DLGAP2: variants seen among roughly 807,000 people sequenced by gnomAD.
The protein encoded by DLGAP2 is DLG associated protein 2.
In DLGAP2, 26 loss-of-function variants were observed where a neutral mutation model predicts 100.3. The ratio of observed to expected loss-of-function variants is 0.26; its 90% confidence interval spans 0.19 to 0.36. The LOEUF (loss-of-function observed/expected upper bound fraction) is 0.36. DLGAP2 is among the 10% of genes least tolerant of loss of function. The pLI, the probability that DLGAP2 is intolerant of heterozygous loss-of-function variation, is 1.00. For synonymous variants in DLGAP2, 886 were observed against 630.1 expected, an observed-to-expected ratio of 1.41 and a Z score of -6.08; for missense variants, 1,858 against 1,453.2, an observed-to-expected ratio of 1.28 and a Z score of -4.53.
At chr8:1,004,345 T>C (rs181078180) in intron 2 of DLGAP2, among the ~76,000 whole-genome samples, 2 of 152,338 alleles carry the variant, frequency 1.3e-5, no homozygotes, top group Middle Eastern at 3.4e-3. Context: ...GTCTTTTATC[T>C]TCATAAATTT....
chr8:965,756 T>C (rs1488173927), intron 2 of DLGAP2, among the ~76,000 whole-genome samples: 29 of 120,562 alleles, frequency 2.4e-4, no homozygotes, highest in Admixed American at 6.0e-4. Context: ...GGCTCCTGAG[T>C]CTGACCCCTG....
intron 1 of DLGAP2, among the ~76,000 whole-genome samples, chr8:833,433 T>G (rs576718686): frequency 6.6e-6 from 1 of 152,214 alleles, no homozygotes; most frequent in Non-Finnish European, 1.5e-5. Flanking sequence ...GACCTGTTTC[T>G]CAGCGTTTCC....
chr8:1,431,175 T>C (rs1364585012), intron 3 of DLGAP2, among the ~76,000 whole-genome samples: 7 of 152,256 alleles, frequency 4.6e-5, no homozygotes, highest in African/African-American at 1.4e-4. Context: ...GTCAGTGAGC[T>C]GAAATGTCTT....
rs137893359 is a variant in DLGAP2 at position 1,517,686 on chromosome 8, T to C, written c.172+16255T>C. Reference sequence around the variant, plus strand: ...CTCCCGTTTCTGGCTAGGAGAGCCCTGCCTGTGGCAGGCAGCAGCATTTGC... The same window carrying C: ...CTCCCGTTTCTGGCTAGGAGAGCCCCGCCTGTGGCAGGCAGCAGCATTTGC... On this transcript the variant is annotated intron_variant, in intron 4 of 14. Transcript: ENST00000637795. Among the ~76,000 whole-genome samples, 233 of 152,354 alleles carry C rather than the reference T, an allele frequency of 1.5e-3. 2 individuals are homozygous for C. Among genetic ancestry groups the C allele is most frequent in the East Asian group, 0.012 (63 of 5,180 alleles).
intron 2 of DLGAP2, among the ~76,000 whole-genome samples, chr8:1,137,976 A>G (rs1485372546): frequency 6.6e-6 from 1 of 151,852 alleles, no homozygotes; most frequent in African/African-American, 2.4e-5. Context: ...GCCTCAAGCA[A>G]TCCACCCGCC....
chr8:1,001,232 A>G (rs1012151624), intron 2 of DLGAP2, among the ~76,000 whole-genome samples: 4 of 152,222 alleles, frequency 2.6e-5, no homozygotes, highest in African/African-American at 9.6e-5. Flanking sequence ...TATTGTGATC[A>G]GGACAGGGTT....
chr8:830,241 A>G (rs1186743024), intron 1 of DLGAP2, among the ~76,000 whole-genome samples: 4 of 152,226 alleles, frequency 2.6e-5, no homozygotes, highest in East Asian at 3.8e-4. Context: ...GCAATGTGTA[A>G]TAATCACATC....
intron 3 of DLGAP2, among the ~76,000 whole-genome samples, chr8:1,349,644 A>G (rs746197016): frequency 7.8e-4 from 47 of 60,438 alleles, no homozygotes; most frequent in South Asian, 1.5e-3. Context: ...CCACATCCAC[A>G]CACAGGTAGG....
chr8:1,426,094 C>A (rs910312204), intron 3 of DLGAP2, among the ~76,000 whole-genome samples: 1 of 152,160 alleles, frequency 6.6e-6, no homozygotes, highest in Non-Finnish European at 1.5e-5. Flanking sequence ...GAGAAAGCGT[C>A]AGGGTAGGGC....
intron 3 of DLGAP2, among the ~76,000 whole-genome samples, chr8:1,291,190 A>G (rs1418037234): frequency 1.3e-5 from 2 of 152,178 alleles, no homozygotes; most frequent in Non-Finnish European, 2.9e-5. Flanking sequence ...TTGAACATAA[A>G]TGGTGTAACT....
intron 2 of DLGAP2, among the ~76,000 whole-genome samples, chr8:935,014 G>T (rs896019581): frequency 6.6e-6 from 1 of 152,112 alleles, no homozygotes; most frequent in Non-Finnish European, 1.5e-5. Flanking sequence ...GTATTACTCG[G>T]CTTCCGTTGG....
chr8:1,492,613 C>T (rs1341625930), intron 3 of DLGAP2, among the ~76,000 whole-genome samples: 1 of 152,232 alleles, frequency 6.6e-6, no homozygotes, highest in Non-Finnish European at 1.5e-5. Context: ...AGGCCCACGC[C>T]TGTCCCCTCC....
At chr8:869,195 G>C (rs1797553022) in intron 1 of DLGAP2, among the ~76,000 whole-genome samples, 1 of 152,052 alleles carries the variant, frequency 6.6e-6, no homozygotes, top group Non-Finnish European at 1.5e-5. Flanking sequence ...TGTTTTCCCT[G>C]TGGTTACCAA....
intron 6 of DLGAP2, among the ~76,000 whole-genome samples, chr8:1,587,077 CCT>C (rs1796144080): frequency 6.6e-6 from 1 of 152,166 alleles, no homozygotes; most frequent in South Asian, 2.1e-4. Context: ...TGGCTTATTG[CCT>C]GTTTCCCTAA....
In DLGAP2 at chr8:1,252,443, C is replaced by T. The variant is rs377202676; in HGVS notation, c.74-6408C>T. Among the ~76,000 whole-genome samples, 465 of 152,314 alleles carry T rather than the reference C, an allele frequency of 3.1e-3. 2 individuals carry two copies. The highest frequency in any genetic ancestry group is 0.01 in the African/African-American group (432 of 41,556). On this transcript the variant is annotated intron_variant, in intron 2 of 14. Transcript: ENST00000637795. ...CAGTCATGTCATGCCACACTTGTCA[C>T]ACTGTGGTGTTGTCACGTGCGTGTG...
chr8:947,136 T>G (rs1799346431), intron 2 of DLGAP2, among the ~76,000 whole-genome samples: 1 of 152,170 alleles, frequency 6.6e-6, no homozygotes, highest in Non-Finnish European at 1.5e-5. Flanking sequence ...AGGAAGACTG[T>G]CTTTCAATTG....
At chr8:1,634,588 G>A (rs1050225100) in intron 8 of DLGAP2, among the ~76,000 whole-genome samples, 13 of 152,160 alleles carry the variant, frequency 8.5e-5, no homozygotes, top group African/African-American at 3.1e-4. Context: ...ATTAGAATCA[G>A]GGAAGTAATG....
intron 2 of DLGAP2, among the ~76,000 whole-genome samples, chr8:1,023,930 G>A (rs570225235): frequency 2.7e-4 from 38 of 142,240 alleles, no homozygotes; most frequent in Non-Finnish European, 4.7e-4. Context: ...GCAAAATCCC[G>A]GCTGCTGCTT....
Position 1,162,755 on chromosome 8 carries a change from CGTTGTCTGTACTGTGTCT to C in DLGAP2, c.74-96084_74-96067del, listed in dbSNP as rs543600061. Among the ~76,000 whole-genome samples the C allele has an allele frequency of 3.2e-4, 48 of 152,286 alleles. No individual in the cohort carries two copies. In the East Asian group the frequency reaches 8.9e-3, roughly 28 times the overall value. Reference sequence around the variant, plus strand: ...AAGATTCAGCCATGGAGGCTGTGTCCGTTGTCTGTACTGTGTCTGTTGTCTGTACGGCGCTGTGGCCGC... The same window carrying C: ...AAGATTCAGCCATGGAGGCTGTGTCCGTTGTCTGTACGGCGCTGTGGCCGC... On this transcript the variant is annotated intron_variant, in intron 2 of 14. Coordinates refer to ENST00000637795, the MANE Select transcript of DLGAP2 (RefSeq NM_001346810.2).
Sources: gnomAD v4.1 joint callset for allele counts (sites outside exome capture counted in the v4.1 genomes callset) on GRCh38, gnomAD v4.1.1 for gene constraint, MANE v1.5 for transcripts, NCBI Gene and HGNC (gene_info 2026-07-23, HGNC 2026-07-21) for gene names.